SOX30: variants seen among roughly 807,000 people sequenced by gnomAD.
SOX30 encodes the protein SRY-box transcription factor 30, also known as transcription factor SOX-30.
Under a neutral mutation model 58.6 loss-of-function variants are expected in SOX30, and 17 were observed. That is an observed-to-expected ratio of 0.29 (90% confidence interval 0.20 to 0.44). SOX30 has a LOEUF of 0.44. Among genes scored for constraint, SOX30 ranks in the 20% least tolerant of loss-of-function variants. The probability of loss-of-function intolerance (pLI) is 1.00; values close to 1 mark genes in which losing one functional copy is unlikely to be tolerated. For missense variants in SOX30, 951 were observed against 965.8 expected (o/e 0.98, Z 0.20); for synonymous variants, 421 against 400.2 (o/e 1.05, Z -0.62).
At chr5:157,652,508 G>C (rs2113851935), upstream of SOX30, 3 of 444,182 alleles carry the variant, frequency 6.8e-6, no homozygotes, top group Non-Finnish European at 9.0e-6. Flanking sequence ...CGTCACAAGG[G>C]GAGCGACGGC....
At chr5:157,669,013 G>A (rs193200749) in intron 1 of SOX30, among the ~76,000 whole-genome samples, 1 of 152,170 alleles carries the variant, frequency 6.6e-6, no homozygotes, top group Non-Finnish European at 1.5e-5. Context: ...TGGTGGGAAA[G>A]CATTTTGACA....
chr5:157,657,715 G>A (rs1409651915), intron 2 of SOX30, among the ~76,000 whole-genome samples: 1 of 152,208 alleles, frequency 6.6e-6, no homozygotes, highest in Non-Finnish European at 1.5e-5. Flanking sequence ...ATATTGCTGT[G>A]AATAACATTT....
chr5:157,665,599 A>G (rs1041948099), intron 2 of SOX30, among the ~76,000 whole-genome samples: 4 of 147,028 alleles, frequency 2.7e-5, no homozygotes, highest in African/African-American at 1.0e-4. Context: ...AAAGTATAAT[A>G]AAAAATAAAA....
At chr5:157,628,323 T>C (rs1449991269) in intron 4 of SOX30, among the ~76,000 whole-genome samples, 7 of 150,306 alleles carry the variant, frequency 4.7e-5, no homozygotes, top group Non-Finnish European at 1.0e-4. Flanking sequence ...ACCATACTCA[T>C]CGGCAAAACC....
At chr5:157,664,414 C>T (rs1759631214) in intron 2 of SOX30, among the ~76,000 whole-genome samples, 1 of 152,268 alleles carries the variant, frequency 6.6e-6, no homozygotes, top group Admixed American at 6.5e-5. Context: ...AAACTGGATC[C>T]CTTCCTTACA....
intron 4 of SOX30, among the ~76,000 whole-genome samples, chr5:157,632,047 T>TA (rs570172679): frequency 0.08 from 4,514 of 56,342 alleles, 471 homozygotes; most frequent in Non-Finnish European, 0.11. Flanking sequence ...ACCCCGTAAC[T>TA]AAAAAAAAAA....
At chr5:157,637,851 G>A (rs527964678) in intron 4 of SOX30, among the ~76,000 whole-genome samples, 85 of 152,082 alleles carry the variant, frequency 5.6e-4, no homozygotes, top group African/African-American at 1.9e-3. Flanking sequence ...GTGCCACCAC[G>A]CCTGGCTAAT....
intron 4 of SOX30, among the ~76,000 whole-genome samples, chr5:157,629,606 GA>G (rs531297535): frequency 4.1e-4 from 62 of 152,214 alleles, no homozygotes; most frequent in African/African-American, 1.4e-3. Flanking sequence ...GGTGTAGGGG[GA>G]AAAACATTAA....
At chr5:157,640,342 A>G (rs866374599) in intron 3 of SOX30, among the ~76,000 whole-genome samples, 11 of 152,216 alleles carry the variant, frequency 7.2e-5, no homozygotes, top group South Asian at 6.2e-4. Context: ...TTAAATGAAT[A>G]GGAATACTCA....
In SOX30 at chr5:157,644,055, G is replaced by A. The variant is rs570273846; in HGVS notation, c.1387+2582C>T. On this transcript the variant is annotated intron_variant, in intron 3 of 4. Transcript: ENST00000265007. ...AGCCATATGATTGGGGAACAAAATA[G>A]CAGATAAATTTCATGATTTACTGTT... is the stretch of plus-strand genomic sequence containing the variant. Among the ~76,000 whole-genome samples, 5 of 152,254 alleles carry A rather than the reference G, an allele frequency of 3.3e-5. No homozygotes were observed. In the East Asian group the frequency reaches 7.7e-4, roughly 23 times the overall value.
chr5:157,631,972 G>T (rs935093528), intron 4 of SOX30, among the ~76,000 whole-genome samples: 2 of 140,076 alleles, frequency 1.4e-5, no homozygotes, highest in African/African-American at 5.3e-5. Context: ...AGGCCCAGGA[G>T]TTCGAGGCTG....
rs1220156618 is a variant in SOX30, at chr5:157,638,606, G to T, written c.1504C>A (p.Leu502Ile). The change falls in exon 4 of 5, where the codon CTA (leucine) becomes ATA (isoleucine). Residue 502 changes from leucine to isoleucine, a missense_variant. Physicochemically the swap from Leu to Ile is conservative, Grantham distance 5. This residue lies in a region of SOX30 where 381 missense variants were observed against 390.0 expected (regional missense o/e 0.98). Coordinates refer to ENST00000265007, the MANE Select transcript of SOX30 (RefSeq NM_178424.2). ...GGTGGGAGTGCTGGATAGACAGGTA[G>T]ACTTGGATCCTGGACAGCCACCTGA... is the stretch of plus-strand genomic sequence containing the variant. ...AAQVAVQDPS[L>I]PVYPALPPQR... The T allele has an allele frequency of 6.2e-7, 1 of 1,614,074 alleles. No homozygotes were observed. Among genetic ancestry groups the T allele is most frequent in the Non-Finnish European group, 8.5e-7 (1 of 1,180,042 alleles).
chr5:157,631,271 T>C (rs961635393), intron 4 of SOX30, among the ~76,000 whole-genome samples: 1 of 151,126 alleles, frequency 6.6e-6, no homozygotes, highest in Non-Finnish European at 1.5e-5. Context: ...GAATGATTGG[T>C]TTTTAAAAAT....
At chr5:157,647,733 T>A (rs753278480) in intron 2 of SOX30, among the ~76,000 whole-genome samples, 1 of 151,716 alleles carries the variant, frequency 6.6e-6, no homozygotes, top group Non-Finnish European at 1.5e-5. Flanking sequence ...TTTTTTATTT[T>A]TTTTTTTAGT....
At chr5:157,627,716 C>T (rs1372499908) in intron 4 of SOX30, among the ~76,000 whole-genome samples, 1 of 151,874 alleles carries the variant, frequency 6.6e-6, no homozygotes, top group Admixed American at 6.6e-5. Flanking sequence ...GTTTTTTGGC[C>T]GGGCGCGGTG....
intron 1 of SOX30, among the ~76,000 whole-genome samples, chr5:157,668,510 A>G (rs188340172): frequency 6.6e-6 from 1 of 151,868 alleles, no homozygotes; most frequent in Non-Finnish European, 1.5e-5. Flanking sequence ...TCACTCACCA[A>G]TCCATCCATC....
At chr5:157,648,562 A>T in intron 2 of SOX30, 95 bp downstream of exon 2, 2 of 1,184,496 alleles carry the variant, frequency 1.7e-6, no homozygotes, top group Non-Finnish European at 2.4e-6. Flanking sequence ...TCAGAAAAAA[A>T]TTATATATTT....
At position 157,652,192 on chromosome 5, in the gene SOX30, C is replaced by T. The variant is rs1337425637; in HGVS notation, c.-114G>A. 7.5e-7 allele frequency: 1 copy of T among 1,327,558 alleles called. No homozygotes were observed. The highest frequency in any genetic ancestry group is 1.5e-5 in the African/African-American group (1 of 64,806). 82.2% of individuals were successfully genotyped at this position (1,327,558 alleles called of 1,614,324 possible). A position where few individuals can be genotyped will look rare whatever the true frequency, so the allele number is the denominator to read the frequency against. ...GGCCTTTGCTACCCAGAACCCTACG[C>T]GGTTCAAAACGCAGCTGTCTGTCTG... is the stretch of plus-strand genomic sequence containing the variant. On this transcript the variant is annotated 5_prime_UTR_variant, in exon 1 of 5. Transcript: ENST00000265007.
chr5:157,642,468 C>G lies in SOX30; in HGVS notation c.1388-3746G>C, dbSNP rs148219794. Among the ~76,000 whole-genome samples, 322 of 151,982 alleles carry G rather than the reference C, an allele frequency of 2.1e-3. 1 individual carries two copies. The highest frequency in any genetic ancestry group is 7.2e-3 in the African/African-American group (300 of 41,468). The stretch of plus-strand genomic sequence containing the variant: ...TGGCTAAAGAGAAAGTCAAAAAAAT[C>G]TACGCTGGGGTTATTCAATTTTTGG... On this transcript the variant is annotated intron_variant, in intron 3 of 4. Coordinates refer to ENST00000265007, the MANE Select transcript of SOX30 (RefSeq NM_178424.2).
Sources: allele counts gnomAD v4.1 joint callset (sites outside exome capture counted in the v4.1 genomes callset), GRCh38; gene constraint gnomAD v4.1.1; regional missense constraint gnomAD v4.1.1; transcripts MANE v1.5; gene names NCBI Gene and HGNC (gene_info 2026-07-23, HGNC 2026-07-21).